Variants in ANO10 observed in about 807,000 individuals in gnomAD.
ANO10 encodes the protein anoctamin 10, also known as anoctamin-10.
ANO10 carries 77 observed loss-of-function variants against 74.7 expected under a neutral mutation model. The observed-to-expected ratio is 1.03, with a 90% CI of 0.86 to 1.25. ANO10 has a LOEUF of 1.25. ANO10 is among the 50% of genes most tolerant of loss of function. ANO10 has a pLI of 0.00. For synonymous variants in ANO10, 279 were observed against 284.9 expected, an observed-to-expected ratio of 0.98 and a Z score of 0.21; for missense variants, 721 against 778.1, an observed-to-expected ratio of 0.93 and a Z score of 0.87.
chr3:43,599,323 G>A (rs2082230300), intron 3 of ANO10, among the ~76,000 whole-genome samples: 1 of 152,038 alleles, frequency 6.6e-6, no homozygotes, highest in Non-Finnish European at 1.5e-5. Context: ...CTCCCATCCT[G>A]TTATCATATC....
Position 43,619,351 on chromosome 3 carries a change from C to T in ANO10, c.-12+2558G>A, listed in dbSNP as rs569000687. Among the ~76,000 whole-genome samples the T allele has an allele frequency of 2.6e-5, 4 of 152,120 alleles. No individual in the cohort carries two copies. The South Asian group carries it at 8.3e-4, about 32-fold the overall frequency. ...GACTGGATCCTAAATATTAGTGGGA[C>T]AATTAGTGAAATTTGAATAAGGTCT... On this transcript the variant is annotated intron_variant, in intron 1 of 12. Coordinates refer to ENST00000292246, the MANE Select transcript of ANO10 (RefSeq NM_018075.5).
chr3:43,590,400 G>T (rs1008480339), intron 4 of ANO10, among the ~76,000 whole-genome samples: 2 of 152,172 alleles, frequency 1.3e-5, no homozygotes, highest in African/African-American at 4.8e-5. Flanking sequence ...AAAAGAGTAA[G>T]TTAGGAAGGA....
chr3:43,654,558 G>A (rs916909209), intron 1 of ANO10, among the ~76,000 whole-genome samples: 2 of 152,204 alleles, frequency 1.3e-5, no homozygotes, highest in African/African-American at 4.8e-5. Context: ...TTAGATGCTT[G>A]CCATAATGAA....
At chr3:43,576,576 A>T in intron 6 of ANO10, 116 bp downstream of exon 6, 2 of 1,099,234 alleles carry the variant, frequency 1.8e-6, no homozygotes, top group Non-Finnish European at 2.7e-6. Flanking sequence ...ATGTCTCTAT[A>T]ATGAGCCAAG....
At chr3:43,647,605 TTCTGGATA>T (rs1184138142) in intron 1 of ANO10, among the ~76,000 whole-genome samples, 1 of 152,194 alleles carries the variant, frequency 6.6e-6, no homozygotes, top group Non-Finnish European at 1.5e-5. Context: ...TTAACCAGCT[TTCTGGATA>T]TCCTTTAACC....
intron 11 of ANO10, among the ~76,000 whole-genome samples, chr3:43,475,340 T>TAGTCAAGGTCTCCCCAC (rs1222581713): frequency 6.6e-6 from 1 of 152,186 alleles, no homozygotes; most frequent in Admixed American, 6.5e-5. Context: ...GTCATTCTTA[T>TAGTCAAGGTCTCCCCAC]AGTCAAGGTC....
intron 1 of ANO10, among the ~76,000 whole-genome samples, chr3:43,662,120 G>A (rs11130008): frequency 0.85 from 129,587 of 152,204 alleles, 55,207 homozygotes; most frequent in Middle Eastern, 0.91. Context: ...TCAGCACTAC[G>A]TCGCACTTAT....
chr3:43,522,755 G>C (rs1392727152), intron 11 of ANO10, among the ~76,000 whole-genome samples: 1 of 152,174 alleles, frequency 6.6e-6, no homozygotes, highest in Non-Finnish European at 1.5e-5. Flanking sequence ...GTCATACAGT[G>C]AGGAGCAATG....
intron 12 of ANO10, 124 bp from the exon 13 acceptor site, chr3:43,367,098 C>A: frequency 2.4e-6 from 2 of 843,264 alleles, no homozygotes; most frequent in Non-Finnish European, 2.0e-6. Flanking sequence ...CTGATGCTGC[C>A]TGCAGCTTCC....
At chr3:43,432,543 T>G in intron 12 of ANO10, 68 bp downstream of exon 12, 1 of 1,310,530 alleles carries the variant, frequency 7.6e-7, no homozygotes, top group Middle Eastern at 1.8e-4. Context: ...CTGAGACTGA[T>G]TCTTCTGAAT....
chr3:43,637,598 C>G (rs556235657), intron 1 of ANO10: 134 of 149,858 alleles, frequency 8.9e-4, no homozygotes, highest in African/African-American at 3.2e-3. Context: ...TTTTTTTTCA[C>G]CTACTAGATA....
intron 11 of ANO10, among the ~76,000 whole-genome samples, chr3:43,460,142 C>T (rs964368058): frequency 6.6e-6 from 1 of 152,048 alleles, no homozygotes; most frequent in South Asian, 2.1e-4. Context: ...TTCTGGAAAT[C>T]AGAAAATAAA....
At chr3:43,595,199 C>G (rs1404958426) in intron 4 of ANO10, among the ~76,000 whole-genome samples, 1 of 151,692 alleles carries the variant, frequency 6.6e-6, no homozygotes, top group Non-Finnish European at 1.5e-5. Context: ...GAGGAGCTGG[C>G]ACCATTCCTT....
At position 43,637,724 on chromosome 3, in the gene ANO10, T is replaced by G. The variant is rs564396073; in HGVS notation, c.-11-31861A>C. The G allele has an allele frequency of 4.9e-4, 74 of 152,144 alleles. 1 individual carries two copies. Among genetic ancestry groups the G allele is most frequent in the African/African-American group, 1.7e-3 (71 of 41,526 alleles). 9.4% of individuals were successfully genotyped at this position (152,144 alleles called of 1,614,324 possible). A position where few individuals can be genotyped will look rare whatever the true frequency, so the allele number is the denominator to read the frequency against. On this transcript the variant is annotated intron_variant, in intron 1 of 3. Coordinates refer to the ANO10 transcript ENST00000413397. ...GCCCAGAAACTCCACTTTGTAGAAC[T>G]AAGCAGATTGAGCCAGTTGATCCAG...
chr3:43,539,078 T>C (rs1320955246), intron 11 of ANO10, among the ~76,000 whole-genome samples: 1 of 152,138 alleles, frequency 6.6e-6, no homozygotes, highest in Non-Finnish European at 1.5e-5. Flanking sequence ...CCCCATCCAT[T>C]ACCTCTTATC....
intron 11 of ANO10, among the ~76,000 whole-genome samples, chr3:43,482,218 G>C (rs981951587): frequency 6.6e-6 from 1 of 151,860 alleles, no homozygotes; most frequent in African/African-American, 2.4e-5. Context: ...GTGAGCCACC[G>C]CCCCCAGCCA....
chr3:43,619,347 G>C (rs2083273052), intron 1 of ANO10, among the ~76,000 whole-genome samples: 1 of 151,872 alleles, frequency 6.6e-6, no homozygotes, highest in Middle Eastern at 3.2e-3. Flanking sequence ...AAATATTAGT[G>C]GGACAATTAG....
exon 1 of ANO10, chr3:43,691,593 A>G (rs924080534): frequency 6.6e-6 from 1 of 152,272 alleles, no homozygotes; most frequent in Non-Finnish European, 1.5e-5. Flanking sequence ...CTTGGAGGGG[A>G]TATTAGAGGC....
intron 1 of ANO10, among the ~76,000 whole-genome samples, chr3:43,673,348 T>C (rs1240704580): frequency 6.6e-6 from 1 of 152,188 alleles, no homozygotes; most frequent in Non-Finnish European, 1.5e-5. Context: ...AACTGAAGGA[T>C]GCATTTTCAA....
Sources: gnomAD v4.1 joint callset for allele counts (sites outside exome capture counted in the v4.1 genomes callset) on GRCh38, gnomAD v4.1.1 for gene constraint, MANE v1.5 for transcripts, NCBI Gene and HGNC (gene_info 2026-07-23, HGNC 2026-07-21) for gene names.